EFNA5: variants seen among roughly 807,000 people sequenced by gnomAD.
EFNA5 encodes ephrin A5, also known as ephrin-A5.
In EFNA5, 5 loss-of-function variants were observed where a neutral mutation model predicts 22.9. The observed-to-expected ratio is 0.22, with a 90% CI of 0.11 to 0.46. The LOEUF (loss-of-function observed/expected upper bound fraction) is 0.46. EFNA5 is among the 20% of genes least tolerant of loss of function. The pLI, the probability that EFNA5 is intolerant of heterozygous loss-of-function variation, is 0.99. For synonymous variants in EFNA5, 113 were observed against 112.2 expected (o/e 1.01, Z -0.04); for missense variants, 237 against 293.3 (o/e 0.81, Z 1.40).
chr5:107,463,790 T>A (rs1749899424), intron 1 of EFNA5, among the ~76,000 whole-genome samples: 1 of 152,168 alleles, frequency 6.6e-6, no homozygotes, highest in Admixed American at 6.5e-5. Flanking sequence ...TGCTTCCATA[T>A]CCTCTTTTTC....
chr5:107,448,485 G>A (rs1424981589), intron 1 of EFNA5, among the ~76,000 whole-genome samples: 1 of 152,098 alleles, frequency 6.6e-6, no homozygotes, highest in Non-Finnish European at 1.5e-5. Flanking sequence ...TTAAGGAAAA[G>A]GAGATGGACA....
chr5:107,411,953 G>C (rs1012796443), intron 2 of EFNA5, among the ~76,000 whole-genome samples: 4 of 152,248 alleles, frequency 2.6e-5, no homozygotes, highest in African/African-American at 9.6e-5. Flanking sequence ...CATCTGTGGT[G>C]TACTTTGCAA....
intron 1 of EFNA5, among the ~76,000 whole-genome samples, chr5:107,592,684 G>A (rs1424873145): frequency 1.3e-5 from 2 of 152,176 alleles, no homozygotes; most frequent in Non-Finnish European, 2.9e-5. Flanking sequence ...TTCAGAAAAG[G>A]AGGATCCTGG....
intron 1 of EFNA5, among the ~76,000 whole-genome samples, chr5:107,518,581 C>T (rs113248268): frequency 6.1e-5 from 9 of 147,532 alleles, no homozygotes; most frequent in African/African-American, 2.0e-4. Context: ...TACACCATGC[C>T]AAAAAAAAAA....
At chr5:107,619,576 C>T (rs1487947468) in intron 1 of EFNA5, among the ~76,000 whole-genome samples, 1 of 151,898 alleles carries the variant, frequency 6.6e-6, no homozygotes, top group Non-Finnish European at 1.5e-5. Context: ...GATTCTCCTG[C>T]CTCAGCCTCT....
chr5:107,555,174 T>G (rs770904033), intron 1 of EFNA5, among the ~76,000 whole-genome samples: 1 of 152,234 alleles, frequency 6.6e-6, no homozygotes, highest in African/African-American at 2.4e-5. Flanking sequence ...TCTTGGCTTA[T>G]TAGCCCACAC....
intron 1 of EFNA5, among the ~76,000 whole-genome samples, chr5:107,654,855 T>C (rs1435928376): frequency 6.6e-6 from 1 of 152,138 alleles, no homozygotes; most frequent in African/African-American, 2.4e-5. Flanking sequence ...ATTCATCACA[T>C]GCACTGGAAT....
chr5:107,557,189 A>G (rs1044328663), intron 1 of EFNA5, among the ~76,000 whole-genome samples: 3 of 152,218 alleles, frequency 2.0e-5, no homozygotes, highest in Admixed American at 6.5e-5. Context: ...CTGTGGCTGT[A>G]AACATATTTG....
At chr5:107,421,460 G>C (rs1435699238) in intron 2 of EFNA5, among the ~76,000 whole-genome samples, 1 of 152,104 alleles carries the variant, frequency 6.6e-6, no homozygotes, top group East Asian at 1.9e-4. Context: ...TGAATATTCA[G>C]GACATTTAAG....
intron 1 of EFNA5, among the ~76,000 whole-genome samples, chr5:107,634,321 A>C (rs1375577260): frequency 2.6e-5 from 4 of 152,186 alleles, no homozygotes; most frequent in Non-Finnish European, 5.9e-5. Context: ...ATTCGAGACC[A>C]GCCTGTGCAA....
chr5:107,410,022 CTTTTT>C (rs70996956), intron 2 of EFNA5, among the ~76,000 whole-genome samples: 2 of 88,004 alleles, frequency 2.3e-5, no homozygotes. Context: ...TGACATGATT[CTTTTT>C]TTTTTTTTTT....
chr5:107,444,335 T>C (rs1185625359), intron 1 of EFNA5, among the ~76,000 whole-genome samples: 4 of 152,250 alleles, frequency 2.6e-5, no homozygotes, highest in Non-Finnish European at 5.9e-5. Context: ...GATTGGATTC[T>C]TGTTGTCTCA....
intron 1 of EFNA5, among the ~76,000 whole-genome samples, chr5:107,588,735 G>T (rs1202331991): frequency 1.3e-5 from 2 of 152,202 alleles, no homozygotes; most frequent in Admixed American, 1.3e-4. Context: ...AGGCTAAGGG[G>T]AAACAATGTG....
At chr5:107,427,058 A>T in intron 2 of EFNA5, 159 bp downstream of exon 2, 2 of 757,570 alleles carry the variant, frequency 2.6e-6, no homozygotes, top group Middle Eastern at 2.3e-4. Flanking sequence ...TTGTGCTCTC[A>T]ATTCCCAGCT....
chr5:107,392,885 T>C (rs17412225), intron 2 of EFNA5, among the ~76,000 whole-genome samples: 10,744 of 152,338 alleles, frequency 0.071, 493 homozygotes, highest in Non-Finnish European at 0.11. Flanking sequence ...ACTTAAAATA[T>C]GCCTTGAAGA....
chr5:107,618,922 CTTTTT>C (rs879804243), intron 1 of EFNA5, among the ~76,000 whole-genome samples: 1 of 146,402 alleles, frequency 6.8e-6, no homozygotes, highest in Non-Finnish European at 1.5e-5. Flanking sequence ...GTTGTGTACT[CTTTTT>C]TTTTTTTATT....
chr5:107,558,916 T>C (rs1160950170), intron 1 of EFNA5, among the ~76,000 whole-genome samples: 1 of 152,232 alleles, frequency 6.6e-6, no homozygotes, highest in East Asian at 1.9e-4. Flanking sequence ...AAAGTTGGTT[T>C]ACATGAGGTT....
At chr5:107,456,399 G>C (rs1162489613) in intron 1 of EFNA5, among the ~76,000 whole-genome samples, 1 of 152,146 alleles carries the variant, frequency 6.6e-6, no homozygotes, top group African/African-American at 2.4e-5. Context: ...GAAGCCAGCT[G>C]TTCATGCACT....
intron 1 of EFNA5, among the ~76,000 whole-genome samples, chr5:107,626,307 C>G (rs1750140117): frequency 6.6e-6 from 1 of 152,212 alleles, no homozygotes. Context: ...AGTTCTTACT[C>G]TGGCTCTATC....
Sources: allele counts gnomAD v4.1 joint callset (sites outside exome capture counted in the v4.1 genomes callset), GRCh38; gene constraint gnomAD v4.1.1; transcripts MANE v1.5; gene names NCBI Gene and HGNC (gene_info 2026-07-23, HGNC 2026-07-21).